The following TMEM135 variants were observed in gnomAD, a reference collection of about 807,000 sequenced individuals.
TMEM135 encodes the protein transmembrane protein 135, also known as peroxisomal membrane protein 52.
A neutral mutation model predicts 60.3 loss-of-function variants in TMEM135; 30 were observed. The ratio of observed to expected loss-of-function variants is 0.50; its 90% CI spans 0.37 to 0.68. The LOEUF (loss-of-function observed/expected upper bound fraction) is 0.68. Among genes scored for constraint, TMEM135 ranks in the 30% least tolerant of loss-of-function variants. The pLI is 0.00. For missense variants in TMEM135, 468 were observed against 548.8 expected (o/e 0.85, Z 1.47); for synonymous variants, 190 against 186.7 (o/e 1.02, Z -0.14).
At chr11:87,234,445 C>T (rs1158142010) in intron 5 of TMEM135, among the ~76,000 whole-genome samples, 1 of 151,946 alleles carries the variant, frequency 6.6e-6, no homozygotes, top group African/African-American at 2.4e-5. Context: ...ACTGTAATAT[C>T]CTTTTGATTT....
chr11:87,322,391 T>C lies in TMEM135; in HGVS notation c.*1058T>C. 4.4e-6 allele frequency: 2 copies of C among 454,004 alleles called. No homozygotes were observed. The highest frequency in any genetic ancestry group is 1.6e-5 in the South Asian group (1 of 64,476). The allele number at this position is 454,004 out of a possible 1,614,324, so 28.1% of individuals were successfully genotyped here. On this transcript the variant is annotated 3_prime_UTR_variant, in exon 15 of 15. Coordinates refer to ENST00000305494, the MANE Select transcript of TMEM135 (RefSeq NM_022918.4). ...ATTCCATTCAGGTTCTCCAACCTTC[T>C]TCTTGAATATCATTGTCACCATTTT...
At chr11:87,142,204 T>A (rs1278901026) in intron 4 of TMEM135, among the ~76,000 whole-genome samples, 1 of 152,226 alleles carries the variant, frequency 6.6e-6, no homozygotes, top group Non-Finnish European at 1.5e-5. Context: ...CGAGCAGGTC[T>A]GTAGAAAATG....
intron 4 of TMEM135, among the ~76,000 whole-genome samples, chr11:87,113,076 G>A (rs1005334874): frequency 6.6e-6 from 1 of 152,040 alleles, no homozygotes; most frequent in African/African-American, 2.4e-5. Flanking sequence ...ATAGGAAAAA[G>A]TATCTTATTT....
chr11:87,297,615 T>G (rs1470479523), intron 7 of TMEM135, among the ~76,000 whole-genome samples: 1 of 152,236 alleles, frequency 6.6e-6, no homozygotes, highest in African/African-American at 2.4e-5. Flanking sequence ...TTGCAAAAAC[T>G]TAAAATGTGT....
At chr11:87,154,057 G>A (rs1938628638) in intron 4 of TMEM135, among the ~76,000 whole-genome samples, 1 of 152,212 alleles carries the variant, frequency 6.6e-6, no homozygotes, top group African/African-American at 2.4e-5. Context: ...TCACATTGTT[G>A]TGCGTTCACT....
intron 5 of TMEM135, among the ~76,000 whole-genome samples, chr11:87,213,002 C>T (rs1435654726): frequency 6.6e-6 from 1 of 152,010 alleles, no homozygotes; most frequent in Non-Finnish European, 1.5e-5. Context: ...CATACTTTAA[C>T]TCATCTTTCT....
At chr11:87,081,289 G>T (rs1158500246) in intron 3 of TMEM135, among the ~76,000 whole-genome samples, 4 of 131,040 alleles carry the variant, frequency 3.1e-5, no homozygotes, top group African/African-American at 1.3e-4. Context: ...TACTTCCTTT[G>T]TATTGTTTGA....
chr11:87,273,206 T>G (rs1335959228), intron 6 of TMEM135, among the ~76,000 whole-genome samples: 1 of 152,200 alleles, frequency 6.6e-6, no homozygotes, highest in Non-Finnish European at 1.5e-5. Context: ...TTTCTTTTTT[T>G]ATTAGCTGAG....
chr11:87,052,990 AATG>A (rs1213178337), intron 1 of TMEM135, among the ~76,000 whole-genome samples: 1 of 120,712 alleles, frequency 8.3e-6, no homozygotes, highest in Non-Finnish European at 1.7e-5. Flanking sequence ...AGCCATAAAA[AATG>A]ATGAGTTCAT....
chr11:87,156,616 G>T (rs1199341726), intron 4 of TMEM135, among the ~76,000 whole-genome samples: 4 of 151,572 alleles, frequency 2.6e-5, no homozygotes, highest in Admixed American at 2.6e-4. Context: ...TTATGCTGTT[G>T]TAAATGGAAT....
In TMEM135 at chr11:87,226,263, G is replaced by A. The variant is rs578067894; in HGVS notation, c.463-10375G>A. Reference sequence around the variant, plus strand: ...TAGAGATGTGAATAAAATGTTTTGGGTGTTTAATGATGATGTCTAATTAGC... The same window carrying A: ...TAGAGATGTGAATAAAATGTTTTGGATGTTTAATGATGATGTCTAATTAGC... On this transcript the variant is annotated intron_variant, in intron 5 of 14. Transcript: ENST00000305494. 2.3e-4 allele frequency among the ~76,000 whole-genome samples: 35 copies of A among 152,242 alleles called. 1 individual carries two copies. The highest frequency in any genetic ancestry group is 3.9e-4 in the Admixed American group (6 of 15,286).
chr11:87,116,668 A>T (rs930392367), intron 4 of TMEM135, among the ~76,000 whole-genome samples: 1 of 151,964 alleles, frequency 6.6e-6, no homozygotes, highest in African/African-American at 2.4e-5. Flanking sequence ...TACATATAGT[A>T]TAGGCATACC....
In TMEM135 at chr11:87,177,427, T is replaced by C. The variant is rs991018761; in HGVS notation, c.462+20021T>C. Among the ~76,000 whole-genome samples, 175 of 152,206 alleles carry C rather than the reference T, an allele frequency of 1.1e-3. 11 individuals carry two copies. The highest frequency in any genetic ancestry group is 1.5e-5 in the Non-Finnish European group (1 of 68,034). On this transcript the variant is annotated intron_variant, in intron 5 of 14. Transcript: ENST00000305494. ...AGAATGAAGAAATACATGATTATTA[T>C]AACTTTGAATGCCTTCTATAATCTT...
intron 3 of TMEM135, among the ~76,000 whole-genome samples, chr11:87,087,148 G>A (rs1857112714): frequency 6.6e-6 from 1 of 152,104 alleles, no homozygotes; most frequent in African/African-American, 2.4e-5. Flanking sequence ...TAGAAGACAT[G>A]CATCAAAACA....
chr11:87,173,419 A>G (rs1342678859), intron 5 of TMEM135, among the ~76,000 whole-genome samples: 1 of 152,194 alleles, frequency 6.6e-6, no homozygotes, highest in Non-Finnish European at 1.5e-5. Context: ...TTAATTGTAA[A>G]CTAAACCAAA....
intron 7 of TMEM135, among the ~76,000 whole-genome samples, chr11:87,296,182 G>A (rs35587853): frequency 0.11 from 16,095 of 152,104 alleles, 900 homozygotes; most frequent in South Asian, 0.14. Flanking sequence ...GTTTGCTTTA[G>A]GGCAGGACTC....
At chr11:87,278,946 C>T (rs1470722199) in intron 6 of TMEM135, among the ~76,000 whole-genome samples, 1 of 152,056 alleles carries the variant, frequency 6.6e-6, no homozygotes, top group Non-Finnish European at 1.5e-5. Flanking sequence ...CCAGTGGAAT[C>T]ATACAGTATG....
intron 6 of TMEM135, among the ~76,000 whole-genome samples, chr11:87,292,796 C>T (rs1457145866): frequency 1.3e-5 from 2 of 152,200 alleles, no homozygotes; most frequent in African/African-American, 2.4e-5. Context: ...ATATGAAGTG[C>T]TTCCCACAGA....
At chr11:87,145,593 ATCTTTCATCTTTT>A (rs1451323717) in intron 4 of TMEM135, among the ~76,000 whole-genome samples, 3 of 151,920 alleles carry the variant, frequency 2.0e-5, no homozygotes, top group African/African-American at 7.3e-5. Flanking sequence ...GCCAACACTT[ATCTTTCATCTTTT>A]TGATGAAAGC....
Sources: gnomAD v4.1 joint callset for allele counts (sites outside exome capture counted in the v4.1 genomes callset) on GRCh38, gnomAD v4.1.1 for gene constraint, MANE v1.5 for transcripts, NCBI Gene and HGNC (gene_info 2026-07-23, HGNC 2026-07-21) for gene names.